Variants in PTPRS observed in about 807,000 individuals in gnomAD.
PTPRS encodes receptor-type tyrosine-protein phosphatase S.
In PTPRS, 63 loss-of-function variants were observed where a neutral mutation model predicts 215.3. The observed-to-expected ratio is 0.29, with a 90% CI of 0.24 to 0.36. The LOEUF (loss-of-function observed/expected upper bound fraction) is 0.36. Ranked by LOEUF, PTPRS falls within the 10% of genes least tolerant of loss-of-function variation. The pLI, the probability that PTPRS is intolerant of heterozygous loss-of-function variation, is 1.00. For missense variants in PTPRS, 2,258 were observed against 2,825.8 expected (o/e 0.80, Z 4.56); for synonymous variants, 1,404 against 1,191.4 (o/e 1.18, Z -3.68).
At chr19:5,319,610 C>A (rs981580874) in intron 1 of PTPRS, among the ~76,000 whole-genome samples, 4 of 151,792 alleles carry the variant, frequency 2.6e-5, no homozygotes, top group Admixed American at 2.6e-4. Context: ...CCCTGCAGCC[C>A]ACAAGACCCT....
rs1323877220 is a variant in PTPRS at position 5,286,223 on chromosome 19, A to G, written c.-83T>C. ...AGAGAGGCCTCGAGCCGAGCGTCAG[A>G]TGGGGCAACGTCTGCAGAGACAATG... is the stretch of plus-strand genomic sequence containing the variant. On this transcript the variant is annotated 5_prime_UTR_variant, in exon 2 of 38. Transcript: ENST00000262963. 1 of 1,473,210 alleles carries G rather than the reference A, an allele frequency of 6.8e-7. No individual in the cohort carries two copies. Among genetic ancestry groups the G allele is most frequent in the East Asian group, 2.4e-5 (1 of 41,114 alleles). 91.3% of individuals were successfully genotyped at this position (1,473,210 alleles called of 1,614,324 possible). A position where few individuals can be genotyped will look rare whatever the true frequency, so the allele number is the denominator to read the frequency against.
intron 1 of PTPRS, among the ~76,000 whole-genome samples, chr19:5,311,042 G>A (rs1333687480): frequency 6.6e-6 from 1 of 152,162 alleles, no homozygotes; most frequent in East Asian, 1.9e-4. Flanking sequence ...ACCACGCCCA[G>A]CTAATTTTTT....
intron 19 of PTPRS, 59 bp from the exon 20 acceptor site, chr19:5,221,312 C>T (rs2041956965): frequency 1.3e-6 from 2 of 1,556,278 alleles, no homozygotes; most frequent in African/African-American, 1.4e-5. Flanking sequence ...GACTGAGCCC[C>T]AGCTCCAGGA....
In PTPRS at chr19:5,244,028, G is replaced by A. The variant is rs778910796; in HGVS notation, c.1443C>T (p.Asp481=). Residue 481 remains aspartate, a synonymous_variant, in exon 11 of 38, where the codon GAC becomes GAT. Coordinates refer to ENST00000262963, the MANE Select transcript of PTPRS (RefSeq NM_002850.4). The surrounding 1 kb of genome is among the most constrained non-coding windows in gnomAD (Gnocchi z 7.2). ...PVGNWQKHNV[D]DSLLTTVGSL... is the part of the protein sequence containing the mutation. Reference sequence around the variant, plus strand: ...TGCCCACGGTGGTCAGCAGGCTGTCGTCCACGTTGTGCTTCTGCCAGTTGC... The same window carrying A: ...TGCCCACGGTGGTCAGCAGGCTGTCATCCACGTTGTGCTTCTGCCAGTTGC... 1.9e-5 allele frequency: 31 copies of A among 1,608,916 alleles called. No individual in the cohort carries two copies. Among genetic ancestry groups the A allele is most frequent in the East Asian group, 4.5e-5 (2 of 44,868 alleles).
chr19:5,236,521 C>T (rs898521207), intron 13 of PTPRS, among the ~76,000 whole-genome samples: 2 of 152,218 alleles, frequency 1.3e-5, no homozygotes, highest in African/African-American at 4.8e-5. Context: ...TGGCCTTGCT[C>T]GTGGCAAGAG....
Position 5,286,114 on chromosome 19 carries a change from C to T in PTPRS, c.27G>A (p.Met9Ile), listed in dbSNP as rs1382974490. The T allele has an allele frequency of 6.2e-7, 1 of 1,614,060 alleles. No individual in the cohort carries two copies. Among genetic ancestry groups the T allele is most frequent in the East Asian group, 2.2e-5 (1 of 44,898 alleles). ...GGCCCATGGGACCAACCACAGACACCATGCCAGGGCCCCAGGTGGGCGCCA... is the reference window on the plus strand; with the variant it reads ...GGCCCATGGGACCAACCACAGACACTATGCCAGGGCCCCAGGTGGGCGCCA... The part of the protein sequence containing the change: MAPTWGPG[M>I]VSVVGPMGLL... The change falls in exon 2 of 38, where the codon ATG (methionine) becomes ATA (isoleucine). Residue 9 changes from methionine to isoleucine, a missense_variant. By Grantham distance (10) the Met-to-Ile change is conservative. This residue lies in a region of PTPRS where 508 missense variants were observed against 799.4 expected (regional missense o/e 0.64). Transcript: ENST00000262963.
chr19:5,280,798 T>TG (rs748645307), intron 2 of PTPRS, among the ~76,000 whole-genome samples: 16 of 151,282 alleles, frequency 1.1e-4, no homozygotes, highest in Non-Finnish European at 2.1e-4. Context: ...TTTTTTTTTT[T>TG]GTTTGTTTTT....
In PTPRS at chr19:5,212,453, CTG is replaced by C; in HGVS notation, c.4651_4652del (p.Gln1551ValfsTer56). The part of the protein sequence containing the change: ...SSEKREVRQF[Q>X]FTAWPDHGVP... ...CGCCATGGTCCGGCCACGCCGTAAA[CTG>C]GAACTGGCGGACCTCGCGTTTCTCA... On this transcript the variant is annotated frameshift_variant, in exon 31 of 38. Transcript: ENST00000262963. LOFTEE classifies it high-confidence loss of function. 1 of 1,600,484 alleles carries C rather than the reference CTG, an allele frequency of 6.2e-7. No homozygotes were observed. Among genetic ancestry groups the C allele is most frequent in the Non-Finnish European group, 8.5e-7 (1 of 1,173,514 alleles).
chr19:5,217,488 G>GATCA (rs2041587781), intron 25 of PTPRS, among the ~76,000 whole-genome samples: 2 of 151,918 alleles, frequency 1.3e-5, no homozygotes, highest in African/African-American at 4.8e-5. Context: ...AAATACTAAT[G>GATCA]GTCAAACTCC....
At chr19:5,227,629 C>T (rs1402671964) in intron 16 of PTPRS, among the ~76,000 whole-genome samples, 5 of 148,910 alleles carry the variant, frequency 3.4e-5, no homozygotes, top group South Asian at 2.1e-4. Flanking sequence ...AGGTTGGTCT[C>T]GAACTCCTGA....
rs151114416 is a variant in PTPRS, at chr19:5,223,178, G to A, written c.2614C>T (p.Arg872Cys). 478 of 1,561,714 alleles carry A rather than the reference G, an allele frequency of 3.1e-4. 1 individual carries two copies. Among genetic ancestry groups the A allele is most frequent in the African/African-American group, 3.0e-3 (220 of 72,612 alleles). Residue 872 changes from arginine (R) to cysteine (C), a missense_variant, in exon 18 of 38, where the codon CGT becomes TGT. Around this residue, in one of 6 missense-constraint regions of PTPRS, gnomAD observed 361 missense variants for 332.6 expected, o/e 1.09. Transcript: ENST00000262963. ...GTGGCCAGGGGCGTCGAGTCCTCAC[G>A]GCCAAACTGCAGGCGGTAGCCCAGC... ...QVLGYRLQFGREDSTPLATLE... is the reference protein window; with the variant it reads ...QVLGYRLQFGCEDSTPLATLE...
intron 6 of PTPRS, among the ~76,000 whole-genome samples, chr19:5,262,233 C>T (rs745565504): frequency 3.1e-4 from 47 of 152,198 alleles, no homozygotes; most frequent in Non-Finnish European, 5.9e-4. Context: ...CGAGATGGTG[C>T]CACTGCACTC....
rs531724328 is a variant in PTPRS at position 5,332,626 on chromosome 19, G to A, written c.-95+8038C>T. On this transcript the variant is annotated intron_variant, in intron 1 of 37. Transcript: ENST00000262963. ...CACACCCGCCATGGCTTCCTGCCTC[G>A]GTTTCTCCCTTTGGACTGGTGAAAG... is the stretch of plus-strand genomic sequence containing the variant. 2.8e-4 allele frequency among the ~76,000 whole-genome samples: 42 copies of A among 152,266 alleles called. No individual in the cohort carries two copies. In the South Asian group the frequency reaches 4.6e-3, roughly 17 times the overall value.
At chr19:5,272,432 T>C (rs2046988331) in intron 4 of PTPRS, among the ~76,000 whole-genome samples, 1 of 151,524 alleles carries the variant, frequency 6.6e-6, no homozygotes, top group Non-Finnish European at 1.5e-5. Context: ...ACCCTGTCTC[T>C]ACTAAAAATA....
chr19:5,229,366 G>A (rs1355991095), intron 15 of PTPRS, 24 bp from the exon 16 acceptor site: 2 of 1,375,284 alleles, frequency 1.5e-6, no homozygotes, highest in Non-Finnish European at 1.9e-6. Flanking sequence ...GAGGCGGCAG[G>A]GGAGAGAGGA....
At chr19:5,337,080 C>G (rs1360831673) in intron 1 of PTPRS, among the ~76,000 whole-genome samples, 1 of 152,160 alleles carries the variant, frequency 6.6e-6, no homozygotes, top group Non-Finnish European at 1.5e-5. Context: ...GCACTGCGCC[C>G]GCCAAACCTA....
Position 5,223,276 on chromosome 19 carries a change from G to T in PTPRS, c.2516C>A (p.Ser839Ter), listed in dbSNP as rs758410040. Residue 839 changes from serine to a stop codon, truncating the protein, a stop_gained, in exon 18 of 38, where the codon TCG (serine) becomes TAG (stop). Transcript: ENST00000262963. LOFTEE classifies it high-confidence loss of function. ...KGAVLGRPTL[S>*]VQQTPEGSLL... ...GCTGCCCTCGGGGGTCTGCTGCACCGACAGGGTTGGGCGGCCCAGCACTGC... is the reference window on the plus strand; with the variant it reads ...GCTGCCCTCGGGGGTCTGCTGCACCTACAGGGTTGGGCGGCCCAGCACTGC... 8 of 1,468,942 alleles carry T rather than the reference G, an allele frequency of 5.4e-6. No individual in the cohort carries two copies. The highest frequency in any genetic ancestry group is 2.9e-5 in the African/African-American group (2 of 68,720). 91.0% of individuals were successfully genotyped at this position (1,468,942 alleles called of 1,614,324 possible). A position where few individuals can be genotyped will look rare whatever the true frequency, so the allele number is the denominator to read the frequency against.
chr19:5,322,771 C>T (rs760186331), intron 1 of PTPRS, among the ~76,000 whole-genome samples: 1 of 149,606 alleles, frequency 6.7e-6, no homozygotes, highest in African/African-American at 2.5e-5. Context: ...CCCAGCTATT[C>T]GAGAGGCTGA....
intron 1 of PTPRS, among the ~76,000 whole-genome samples, chr19:5,334,070 G>T (rs1350708209): frequency 6.6e-6 from 1 of 152,016 alleles, no homozygotes; most frequent in Non-Finnish European, 1.5e-5. Context: ...AGGCAGCCAC[G>T]TGTCCTCCCT....
Sources: allele counts gnomAD v4.1 joint callset (sites outside exome capture counted in the v4.1 genomes callset), GRCh38; gene constraint gnomAD v4.1.1; regional missense constraint gnomAD v4.1.1; non-coding constraint Gnocchi (gnomAD v3.1); transcripts MANE v1.5; gene names NCBI Gene and HGNC (gene_info 2026-07-23, HGNC 2026-07-21).